Variants in CTNND2 observed in about 807,000 individuals in gnomAD.
CTNND2 encodes catenin delta-2.
In CTNND2, 22 loss-of-function variants were observed where a neutral mutation model predicts 144.4. The observed-to-expected ratio is 0.15, with a 90% CI of 0.11 to 0.22. The LOEUF is 0.22. Among genes scored for constraint, CTNND2 ranks in the 10% least tolerant of loss-of-function variants. The probability of loss-of-function intolerance (pLI) is 1.00; values close to 1 mark genes in which losing one functional copy is unlikely to be tolerated. For missense variants in CTNND2, 1,353 were observed against 1,618.8 expected (o/e 0.84, Z 2.82); for synonymous variants, 751 against 695.6 (o/e 1.08, Z -1.25).
intron 16 of CTNND2, among the ~76,000 whole-genome samples, chr5:11,032,502 C>T (rs1224599661): frequency 6.6e-6 from 1 of 151,972 alleles, no homozygotes; most frequent in Non-Finnish European, 1.5e-5. Context: ...GCTTACAGAC[C>T]AAATTGGTGA....
At chr5:11,809,526 G>A (rs1792199761) in intron 1 of CTNND2, among the ~76,000 whole-genome samples, 1 of 152,196 alleles carries the variant, frequency 6.6e-6, no homozygotes, top group Non-Finnish European at 1.5e-5. Flanking sequence ...GATCAACAAA[G>A]AGTAAGTCAT....
At chr5:11,730,015 GTTTA>G (rs1442064158) in intron 2 of CTNND2, among the ~76,000 whole-genome samples, 1 of 151,612 alleles carries the variant, frequency 6.6e-6, no homozygotes, top group Non-Finnish European at 1.5e-5. Context: ...TTTTGTATTC[GTTTA>G]TTTCTCTTTT....
chr5:11,579,064 T>C (rs1223560781), intron 2 of CTNND2, among the ~76,000 whole-genome samples: 1 of 152,178 alleles, frequency 6.6e-6, no homozygotes, highest in African/African-American at 2.4e-5. Flanking sequence ...GATTTGAACA[T>C]TTCAGTGTGA....
At chr5:11,587,976 T>G (rs1219451262) in intron 2 of CTNND2, among the ~76,000 whole-genome samples, 1 of 152,120 alleles carries the variant, frequency 6.6e-6, no homozygotes, top group Non-Finnish European at 1.5e-5. Flanking sequence ...ATTGTAAATT[T>G]TGGGCAACAA....
At chr5:11,196,157 C>A (rs552187768) in intron 11 of CTNND2, among the ~76,000 whole-genome samples, 4 of 152,306 alleles carry the variant, frequency 2.6e-5, no homozygotes, top group African/African-American at 9.6e-5. Context: ...AAGATCATTT[C>A]TTTCTTATTT....
rs1183247915 is a variant in CTNND2 at position 10,974,798 on chromosome 5, AATAG to A, written c.3418-1089_3418-1086del. Among the ~76,000 whole-genome samples the A allele has an allele frequency of 2.0e-5, 3 of 152,242 alleles. No homozygotes were observed. The East Asian group carries it at 5.8e-4, about 29-fold the overall frequency. The stretch of plus-strand genomic sequence containing the variant: ...CGTTCTCTAGAAATTGGTCTTAGTT[AATAG>A]ATAATGATTTGTAATTAGCACGTTG... On this transcript the variant is annotated intron_variant, in intron 21 of 21. Transcript: ENST00000304623.
rs558457177 is a variant in CTNND2, at chr5:11,061,481, C to A, written c.2788+21215G>T. Among the ~76,000 whole-genome samples the A allele has an allele frequency of 1.0e-3, 159 of 152,314 alleles. 1 individual carries two copies. The highest frequency in any genetic ancestry group is 3.5e-3 in the African/African-American group (144 of 41,570). ...CGTTTTCCAGCTACAACAACATTGA[C>A]CTTGTTCCTGTTTTTGCCACCTGCG... On this transcript the variant is annotated intron_variant, in intron 16 of 21. Coordinates refer to ENST00000304623, the MANE Select transcript of CTNND2 (RefSeq NM_001332.4).
At chr5:11,772,241 T>C (rs915531450) in intron 1 of CTNND2, among the ~76,000 whole-genome samples, 3 of 152,218 alleles carry the variant, frequency 2.0e-5, no homozygotes, top group Non-Finnish European at 4.4e-5. Context: ...TATGATTATA[T>C]AAATACCCTT....
chr5:11,057,069 T>C (rs1258384927), intron 16 of CTNND2, among the ~76,000 whole-genome samples: 2 of 152,222 alleles, frequency 1.3e-5, no homozygotes, highest in Admixed American at 6.5e-5. Context: ...ATCTGCACTA[T>C]AGAAAATCAC....
chr5:11,237,892 G>A (rs567839338), intron 9 of CTNND2, among the ~76,000 whole-genome samples: 1 of 152,142 alleles, frequency 6.6e-6, no homozygotes, highest in South Asian at 2.1e-4. Flanking sequence ...ATGATTCTCT[G>A]GGGATAAAAA....
intron 18 of CTNND2, among the ~76,000 whole-genome samples, chr5:11,007,443 G>A (rs1034386397): frequency 3.3e-5 from 5 of 152,188 alleles, no homozygotes; most frequent in East Asian, 3.9e-4. Context: ...CTTTAACCTC[G>A]GGAACTGCTG....
At chr5:11,443,251 T>TGC (rs1386525819) in intron 3 of CTNND2, among the ~76,000 whole-genome samples, 10 of 103,712 alleles carry the variant, frequency 9.6e-5, no homozygotes, top group Non-Finnish European at 1.5e-4. Flanking sequence ...TGTGTGTGTG[T>TGC]GCTGTGTGTG....
At chr5:11,393,426 CAT>C in intron 6 of CTNND2, among the ~76,000 whole-genome samples, 1 of 152,288 alleles carries the variant, frequency 6.6e-6, no homozygotes, top group South Asian at 2.1e-4. Flanking sequence ...ATATTTCTTG[CAT>C]AGTTTTTTTG....
At chr5:11,016,918 T>A (rs852626) in intron 18 of CTNND2, among the ~76,000 whole-genome samples, 1 of 151,862 alleles carries the variant, frequency 6.6e-6, no homozygotes, top group African/African-American at 2.4e-5. Flanking sequence ...TTACAGGCGC[T>A]GCTACCACGC....
rs143641105 is a variant in CTNND2 at position 11,177,029 on chromosome 5, A to G, written c.1976-17270T>C. 4.5e-3 allele frequency among the ~76,000 whole-genome samples: 692 copies of G among 152,356 alleles called. 7 individuals are homozygous for G. The highest frequency in any genetic ancestry group is 0.016 in the African/African-American group (667 of 41,576). ...AACTCTTAATAAGAGTAAGAGTAAT[A>G]ACATTAAAATATGACCTCTCTTCTG... On this transcript the variant is annotated intron_variant, in intron 11 of 21. Transcript: ENST00000304623.
At chr5:11,424,100 G>A (rs1405827509) in intron 3 of CTNND2, among the ~76,000 whole-genome samples, 1 of 152,130 alleles carries the variant, frequency 6.6e-6, no homozygotes. Context: ...TTTAATGGGT[G>A]CACAAATGTT....
intron 12 of CTNND2, among the ~76,000 whole-genome samples, chr5:11,124,022 C>T (rs1169202193): frequency 6.6e-6 from 1 of 152,160 alleles, no homozygotes; most frequent in Non-Finnish European, 1.5e-5. Flanking sequence ...GAGGGGGGAT[C>T]TCACAAGTAG....
chr5:11,607,395 C>T (rs2126361805), intron 2 of CTNND2, among the ~76,000 whole-genome samples: 1 of 151,978 alleles, frequency 6.6e-6, no homozygotes, highest in South Asian at 2.1e-4. Context: ...AATATTATCT[C>T]CATCTTTAAA....
chr5:11,245,198 G>A (rs779106754), intron 9 of CTNND2, among the ~76,000 whole-genome samples: 4 of 152,282 alleles, frequency 2.6e-5, no homozygotes, highest in Non-Finnish European at 5.9e-5. Flanking sequence ...AATTTAGGGG[G>A]CAGGGATCTG....
Sources: gnomAD v4.1 joint callset for allele counts (sites outside exome capture counted in the v4.1 genomes callset) on GRCh38, gnomAD v4.1.1 for gene constraint, MANE v1.5 for transcripts, NCBI Gene and HGNC (gene_info 2026-07-23, HGNC 2026-07-21) for gene names.